ADCK5: variants seen among roughly 807,000 people sequenced by gnomAD.
The protein encoded by ADCK5 is aarF domain containing kinase 5.
A neutral mutation model predicts 64.9 loss-of-function variants in ADCK5; 43 were observed. The observed-to-expected ratio is 0.66, with a 90% CI of 0.52 to 0.85. The LOEUF (loss-of-function observed/expected upper bound fraction) is 0.85, where lower values mean the gene tolerates loss of function less well. ADCK5 is among the 40% of genes least tolerant of loss of function. The probability of loss-of-function intolerance (pLI) is 0.00; values close to 1 mark genes in which losing one functional copy is unlikely to be tolerated. For missense variants in ADCK5, 760 were observed against 810.5 expected, an observed-to-expected ratio of 0.94 and a Z score of 0.76; for synonymous variants, 434 against 342.8, an observed-to-expected ratio of 1.27 and a Z score of -2.94.
intron 2 of ADCK5, among the ~76,000 whole-genome samples, chr8:144,380,432 T>G (rs71520570): frequency 4.6e-4 from 53 of 114,514 alleles, no homozygotes; most frequent in Non-Finnish European, 1.1e-4. Flanking sequence ...AGGCACCTGC[T>G]GCACTCAGGA....
Position 144,379,424 on chromosome 8 carries a change from G to A in ADCK5, c.50G>A (p.Ser17Asn), listed in dbSNP as rs145681525. 1.2e-6 allele frequency: 2 copies of A among 1,610,468 alleles called. No homozygotes were observed. The highest frequency in any genetic ancestry group is 2.7e-5 in the African/African-American group (2 of 74,806). ...LCHFHSALLH[S>N]RQKPWPSPAV... is the part of the protein sequence containing the mutation. ...CATTTCCACTCTGCTCTGCTGCACA[G>A]CAGGCAGAAGCCCTGGCCGTCCCCT... Residue 17 changes from serine to asparagine, a missense_variant, in exon 2 of 15, where the codon AGC (serine) becomes AAC (asparagine). Physicochemically the swap from Ser to Asn is conservative, Grantham distance 46. Transcript: ENST00000308860.
chr8:144,387,805 C>T (rs980229718), intron 3 of ADCK5, among the ~76,000 whole-genome samples: 1 of 151,482 alleles, frequency 6.6e-6, no homozygotes, highest in Non-Finnish European at 1.5e-5. Flanking sequence ...GATCTCCGCT[C>T]ACTGCAACCT....
chr8:144,392,028 A>C lies in ADCK5; in HGVS notation c.1096+6A>C, dbSNP rs781900039. 12 of 1,612,452 alleles carry C rather than the reference A, an allele frequency of 7.4e-6. 1 individual carries two copies. Among genetic ancestry groups the C allele is most frequent in the Non-Finnish European group, 1.0e-5 (12 of 1,179,910 alleles). On this transcript the variant is annotated splice_donor_region_variant and intron_variant, in intron 10 of 14. Coordinates refer to ENST00000308860, the MANE Select transcript of ADCK5 (RefSeq NM_174922.5). Reference sequence around the variant, plus strand: ...GGACCCACATCCTGGCAACGGTAGGAATTTACCCCAGGGGTGGGGGTCTCA... The same window carrying C: ...GGACCCACATCCTGGCAACGGTAGGCATTTACCCCAGGGGTGGGGGTCTCA...
intron 3 of ADCK5, among the ~76,000 whole-genome samples, chr8:144,388,224 G>A (rs907486956): frequency 6.6e-6 from 1 of 151,120 alleles, no homozygotes; most frequent in Non-Finnish European, 1.5e-5. Context: ...TGGGCATGTG[G>A]TGGGCACCTG....
At chr8:144,378,588 G>T (rs1238208819) in intron 1 of ADCK5, among the ~76,000 whole-genome samples, 1 of 152,086 alleles carries the variant, frequency 6.6e-6, no homozygotes, top group African/African-American at 2.4e-5. Context: ...CTGTGAGTCA[G>T]TTAAACCCAG....
At chr8:144,378,123 TTC>T (rs1353396447) in intron 1 of ADCK5, among the ~76,000 whole-genome samples, 2 of 152,198 alleles carry the variant, frequency 1.3e-5, no homozygotes, top group Admixed American at 1.3e-4. Flanking sequence ...GCGTTTAGCC[TTC>T]TCTCCTATGA....
chr8:144,374,918 G>C (rs1225572260), intron 1 of ADCK5, among the ~76,000 whole-genome samples: 1 of 152,224 alleles, frequency 6.6e-6, no homozygotes, highest in Non-Finnish European at 1.5e-5. Flanking sequence ...GCCTTGACAC[G>C]CATCTTACCC....
intron 3 of ADCK5, among the ~76,000 whole-genome samples, chr8:144,388,509 A>C (rs918724641): frequency 1.1e-4 from 17 of 150,714 alleles, no homozygotes; most frequent in Non-Finnish European, 2.4e-4. Flanking sequence ...TCACGCCTGT[A>C]ATCCCAGCAC....
chr8:144,392,732 G>C, intron 13 of ADCK5, 35 bp downstream of exon 13: 1 of 1,588,662 alleles, frequency 6.3e-7, no homozygotes, highest in Middle Eastern at 1.7e-4. Flanking sequence ...GGCCGTGGTG[G>C]GGCTGGTGTG....
intron 3 of ADCK5, among the ~76,000 whole-genome samples, chr8:144,388,783 C>T: frequency 6.6e-6 from 1 of 151,644 alleles, no homozygotes; most frequent in East Asian, 1.9e-4. Context: ...AAAAAAGAAA[C>T]CGAAACCCTG....
At chr8:144,385,689 C>T (rs1214959882) in intron 3 of ADCK5, among the ~76,000 whole-genome samples, 6 of 151,268 alleles carry the variant, frequency 4.0e-5, no homozygotes, top group South Asian at 2.1e-4. Context: ...TGTGGCCGGG[C>T]ATGGTGGCTC....
At chr8:144,385,333 G>A (rs1819868824) in intron 3 of ADCK5, among the ~76,000 whole-genome samples, 1 of 151,652 alleles carries the variant, frequency 6.6e-6, no homozygotes, top group African/African-American at 2.4e-5. Context: ...TCGGGTGTGT[G>A]GCACCACGCC....
chr8:144,392,590 G>C lies in ADCK5; in HGVS notation c.1413G>C (p.Arg471Ser). 1 of 1,579,800 alleles carries C rather than the reference G, an allele frequency of 6.3e-7. No individual in the cohort carries two copies. The highest frequency in any genetic ancestry group is 8.6e-7 in the Non-Finnish European group (1 of 1,167,756). ...ERFEAVMAVLRELPRPMLLVL... is the reference protein window; with the variant it reads ...ERFEAVMAVLSELPRPMLLVL... ...TCGAGGCCGTCATGGCGGTGCTCAG[G>C]GAGCTGCCGCGGCCCATGCTGCTGG... Residue 471 changes from arginine to serine, a missense_variant, in exon 13 of 15, where the codon AGG (arginine) becomes AGC (serine). Arg to Ser is a moderately radical substitution (Grantham distance 110). Coordinates refer to ENST00000308860, the MANE Select transcript of ADCK5 (RefSeq NM_174922.5).
chr8:144,382,732 C>T (rs1020688091), intron 2 of ADCK5, among the ~76,000 whole-genome samples: 1 of 152,210 alleles, frequency 6.6e-6, no homozygotes, highest in Admixed American at 6.5e-5. Context: ...GGTTGTGATT[C>T]TCCACAGTGT....
Position 144,376,737 on chromosome 8 carries a change from G to A in ADCK5, c.12+2630G>A, listed in dbSNP as rs1465850176. Among the ~76,000 whole-genome samples, 1 of 152,124 alleles carries A rather than the reference G, an allele frequency of 6.6e-6. No individual in the cohort carries two copies. Among genetic ancestry groups the A allele is most frequent in the Non-Finnish European group, 1.5e-5 (1 of 68,024 alleles). On this transcript the variant is annotated intron_variant, in intron 1 of 14. Transcript: ENST00000308860. The surrounding 1 kb of genome is among the most constrained non-coding windows in gnomAD (Gnocchi z 5.1). The stretch of plus-strand genomic sequence containing the variant: ...GCTGTTCAGAGTCTCTCCACAGTCC[G>A]TGGGCACGACTGCCTGATCTCGGGG...
intron 1 of ADCK5, chr8:144,375,607 G>T: frequency 2.0e-6 from 2 of 985,430 alleles, no homozygotes; most frequent in Non-Finnish European, 2.4e-6. Flanking sequence ...GCCAAAGCAC[G>T]CCCTTTGGTT....
At chr8:144,377,996 C>T (rs1554857467) in intron 1 of ADCK5, among the ~76,000 whole-genome samples, 2 of 152,260 alleles carry the variant, frequency 1.3e-5, no homozygotes, top group East Asian at 3.9e-4. Context: ...GGGTGGGTCC[C>T]ATCCCAGATG....
intron 1 of ADCK5, chr8:144,375,379 C>T: frequency 3.5e-6 from 3 of 867,638 alleles, no homozygotes; most frequent in Non-Finnish European, 4.2e-6. Flanking sequence ...ACTTTGGGGA[C>T]AATTATGTGC....
intron 2 of ADCK5, among the ~76,000 whole-genome samples, chr8:144,382,287 C>G (rs111650688): frequency 6.6e-6 from 1 of 152,154 alleles, no homozygotes; most frequent in African/African-American, 2.4e-5. Flanking sequence ...GATTATGGGC[C>G]GGGTGCAGAA....
Sources: gnomAD v4.1 joint callset for allele counts (sites outside exome capture counted in the v4.1 genomes callset) on GRCh38, gnomAD v4.1.1 for gene constraint, Gnocchi (gnomAD v3.1) non-coding constraint, MANE v1.5 for transcripts, NCBI Gene and HGNC (gene_info 2026-07-23, HGNC 2026-07-21) for gene names.